The following NXPH1 variants were observed in gnomAD, a reference collection of about 807,000 sequenced individuals.
The protein encoded by NXPH1 is neurexophilin 1.
Under a neutral mutation model 23.7 loss-of-function variants are expected in NXPH1, and 5 were observed. That is an observed-to-expected ratio of 0.21 (90% CI 0.11 to 0.44). The LOEUF (loss-of-function observed/expected upper bound fraction) is 0.44. NXPH1 is among the 20% of genes least tolerant of loss of function. The pLI, the probability that NXPH1 is intolerant of heterozygous loss-of-function variation, is 0.99. For synonymous variants in NXPH1, 144 were observed against 122.2 expected (o/e 1.18, Z -1.18); for missense variants, 324 against 321.6 (o/e 1.01, Z -0.06).
intron 2 of NXPH1, among the ~76,000 whole-genome samples, chr7:8,454,955 A>G (rs113870813): frequency 9.2e-5 from 14 of 152,316 alleles, no homozygotes; most frequent in African/African-American, 3.4e-4. Context: ...CAAAAGAAGT[A>G]TGTTTTCTTT....
At chr7:8,439,586 A>C (rs1267369338) in intron 2 of NXPH1, among the ~76,000 whole-genome samples, 1 of 152,248 alleles carries the variant, frequency 6.6e-6, no homozygotes, top group Non-Finnish European at 1.5e-5. Flanking sequence ...CTAATAATCA[A>C]GTTGCTTTTT....
At chr7:8,569,204 A>G (rs555945525) in intron 2 of NXPH1, among the ~76,000 whole-genome samples, 1 of 151,960 alleles carries the variant, frequency 6.6e-6, no homozygotes, top group South Asian at 2.1e-4. Context: ...AATTGAACCT[A>G]AATCTAATTA....
chr7:8,456,500 G>A (rs536881857), intron 2 of NXPH1, among the ~76,000 whole-genome samples: 3 of 152,286 alleles, frequency 2.0e-5, no homozygotes, highest in South Asian at 4.1e-4. Flanking sequence ...AATGATGAAT[G>A]GAATTGCAGG....
chr7:8,596,646 C>T (rs1344795152), intron 2 of NXPH1, among the ~76,000 whole-genome samples: 2 of 152,054 alleles, frequency 1.3e-5, no homozygotes, highest in Non-Finnish European at 2.9e-5. Flanking sequence ...ATCAGATTTT[C>T]TAATAATCCT....
At chr7:8,600,149 G>T (rs1000376784) in intron 2 of NXPH1, among the ~76,000 whole-genome samples, 1 of 152,064 alleles carries the variant, frequency 6.6e-6, no homozygotes, top group African/African-American at 2.4e-5. Context: ...TTCAAAAAAT[G>T]ATTATTGCAG....
At chr7:8,621,697 G>C (rs1819877111) in intron 2 of NXPH1, among the ~76,000 whole-genome samples, 1 of 152,032 alleles carries the variant, frequency 6.6e-6, no homozygotes, top group African/African-American at 2.4e-5. Context: ...TGTTGACAAG[G>C]CTAGTCTCAA....
At chr7:8,676,950 C>G (rs1820962462) in intron 2 of NXPH1, among the ~76,000 whole-genome samples, 1 of 152,154 alleles carries the variant, frequency 6.6e-6, no homozygotes, top group Admixed American at 6.6e-5. Context: ...AATGCTAACC[C>G]TGCTACAAAT....
rs142266342 is a variant in NXPH1, at chr7:8,459,195, G to A, written c.54+23428G>A. 8.0e-4 allele frequency among the ~76,000 whole-genome samples: 121 copies of A among 151,914 alleles called. 3 individuals carry two copies. In the East Asian group the frequency reaches 0.019, roughly 24 times the overall value. Reference sequence around the variant, plus strand: ...TCTAAGAATTTTAGTATTTTGCATGGAAAGTGGTTAATGAGGACATAAAAT... The same window carrying A: ...TCTAAGAATTTTAGTATTTTGCATGAAAAGTGGTTAATGAGGACATAAAAT... On this transcript the variant is annotated intron_variant, in intron 2 of 2. Coordinates refer to ENST00000405863, the MANE Select transcript of NXPH1 (RefSeq NM_152745.3).
At chr7:8,698,482 G>C (rs559076423) in intron 2 of NXPH1, among the ~76,000 whole-genome samples, 1 of 152,210 alleles carries the variant, frequency 6.6e-6, no homozygotes, top group Non-Finnish European at 1.5e-5. Context: ...GTATATATCT[G>C]TGTTTGTAAT....
chr7:8,647,766 T>C (rs1820418606), intron 2 of NXPH1, among the ~76,000 whole-genome samples: 1 of 151,652 alleles, frequency 6.6e-6, no homozygotes. Context: ...GATTCAATTT[T>C]CTTAACCATT....
chr7:8,582,885 A>G (rs529600273), intron 2 of NXPH1, among the ~76,000 whole-genome samples: 32 of 152,262 alleles, frequency 2.1e-4, no homozygotes, highest in African/African-American at 7.0e-4. Flanking sequence ...GCTGCCATCA[A>G]TTATGTTGTC....
chr7:8,620,558 G>A (rs1305320722), intron 2 of NXPH1, among the ~76,000 whole-genome samples: 1 of 152,176 alleles, frequency 6.6e-6, no homozygotes, highest in African/African-American at 2.4e-5. Context: ...TGCAGGCTGA[G>A]GCTGCTGCCA....
chr7:8,644,607 G>C (rs1358139423), intron 2 of NXPH1, among the ~76,000 whole-genome samples: 1 of 152,018 alleles, frequency 6.6e-6, no homozygotes, highest in Non-Finnish European at 1.5e-5. Flanking sequence ...ATTTCAGAAA[G>C]AACATTGTGC....
intron 2 of NXPH1, among the ~76,000 whole-genome samples, chr7:8,615,994 T>C (rs1342257205): frequency 6.6e-6 from 1 of 152,084 alleles, no homozygotes; most frequent in Non-Finnish European, 1.5e-5. Flanking sequence ...ATTCTCCGCA[T>C]AGCAGCCAGA....
chr7:8,502,026 C>T (rs982099284), intron 2 of NXPH1, among the ~76,000 whole-genome samples: 10 of 127,046 alleles, frequency 7.9e-5, no homozygotes, highest in African/African-American at 2.6e-4. Flanking sequence ...GGGGAGTTAA[C>T]AGAGTGGAGG....
intron 2 of NXPH1, among the ~76,000 whole-genome samples, chr7:8,560,497 A>G (rs1306506097): frequency 2.0e-5 from 3 of 151,718 alleles, no homozygotes; most frequent in African/African-American, 7.3e-5. Context: ...AATCCACATT[A>G]TTACTGTTAC....
intron 2 of NXPH1, among the ~76,000 whole-genome samples, chr7:8,498,713 A>G (rs1584194665): frequency 6.6e-6 from 1 of 152,070 alleles, no homozygotes; most frequent in African/African-American, 2.4e-5. Flanking sequence ...CTAGCAGTCA[A>G]TGAACACTCT....
chr7:8,518,397 A>G (rs1224476528), intron 2 of NXPH1, among the ~76,000 whole-genome samples: 2 of 152,124 alleles, frequency 1.3e-5, no homozygotes, highest in East Asian at 1.9e-4. Context: ...ATTTTATTAT[A>G]TACCTAACAC....
At chr7:8,553,364 T>C (rs1297934170) in intron 2 of NXPH1, among the ~76,000 whole-genome samples, 1 of 150,960 alleles carries the variant, frequency 6.6e-6, no homozygotes, top group African/African-American at 2.4e-5. Flanking sequence ...GCTTATTATG[T>C]GTATTAGAAA....
Sources: gnomAD v4.1 joint callset for allele counts (sites outside exome capture counted in the v4.1 genomes callset) on GRCh38, gnomAD v4.1.1 for gene constraint, MANE v1.5 for transcripts, NCBI Gene and HGNC (gene_info 2026-07-23, HGNC 2026-07-21) for gene names.